Variants in NCS1 observed in about 807,000 individuals in gnomAD.
NCS1 encodes the protein frequenin homolog.
NCS1 carries 6 observed loss-of-function variants against 28.4 expected under a neutral mutation model. The ratio of observed to expected loss-of-function variants is 0.21; its 90% CI spans 0.12 to 0.42. NCS1 has a LOEUF of 0.42. NCS1 is among the 10% of genes least tolerant of loss of function. NCS1 has a pLI of 1.00. For synonymous variants in NCS1, 86 were observed against 99.3 expected, an observed-to-expected ratio of 0.87 and a Z score of 0.79; for missense variants, 131 against 241.4, an observed-to-expected ratio of 0.54 and a Z score of 3.03.
chr9:130,213,702 C>T (rs1476512368), intron 2 of NCS1, among the ~76,000 whole-genome samples: 3 of 152,192 alleles, frequency 2.0e-5, no homozygotes, highest in Non-Finnish European at 4.4e-5. Flanking sequence ...TCTCCTACCT[C>T]AGCCTCCTGA....
In NCS1 at chr9:130,226,924, G is replaced by A. The variant is rs1008737613; in HGVS notation, c.*17+420G>A. Among the ~76,000 whole-genome samples the A allele has an allele frequency of 6.6e-6, 1 of 151,086 alleles. No individual in the cohort carries two copies. The highest frequency in any genetic ancestry group is 6.6e-5 in the Admixed American group (1 of 15,138). On this transcript the variant is annotated intron_variant, in intron 7 of 7. Coordinates refer to ENST00000372398, the MANE Select transcript of NCS1 (RefSeq NM_014286.4). The surrounding 1 kb of genome is among the most constrained non-coding windows in gnomAD (Gnocchi z 4.8). ...CCTAGTCTCAGCTACTTGGGAGGCT[G>A]AGGCAGGAGAACCGCTTGAACCCAG...
chr9:130,229,177 C>T lies in NCS1; in HGVS notation c.*17+2673C>T, dbSNP rs1165062984. On this transcript the variant is annotated intron_variant, in intron 7 of 7. Coordinates refer to ENST00000372398, the MANE Select transcript of NCS1 (RefSeq NM_014286.4). ...TGATTTTAAAAGAATTGAACACTTA[C>T]AAAACTTAACACTCAGTAAACTGAG... Among the ~76,000 whole-genome samples, 5 of 151,770 alleles carry T rather than the reference C, an allele frequency of 3.3e-5. No individual in the cohort carries two copies. The East Asian group carries it at 9.7e-4, about 29-fold the overall frequency.
intron 2 of NCS1, among the ~76,000 whole-genome samples, chr9:130,206,806 G>A (rs1833029818): frequency 6.6e-6 from 1 of 151,984 alleles, no homozygotes; most frequent in South Asian, 2.1e-4. Context: ...CCTGAGCCCC[G>A]GCTTTCAGGG....
In NCS1 at chr9:130,195,715, C is replaced by T. The variant is rs549225677; in HGVS notation, c.65-5243C>T. 5.9e-5 allele frequency among the ~76,000 whole-genome samples: 9 copies of T among 152,350 alleles called. No individual in the cohort carries two copies. The South Asian group carries it at 1.0e-3, about 18-fold the overall frequency. ...TTGGGATTACGGGCATGAGCCACCG[C>T]GCTCGGGCGCAGCTAGGCTTTGAAA... On this transcript the variant is annotated intron_variant, in intron 1 of 7. Coordinates refer to ENST00000372398, the MANE Select transcript of NCS1 (RefSeq NM_014286.4).
rs1240276490 is a variant in NCS1, at chr9:130,192,856, T to C, written c.65-8102T>C. 1.3e-5 allele frequency among the ~76,000 whole-genome samples: 2 copies of C among 152,088 alleles called. No individual in the cohort carries two copies. The highest frequency in any genetic ancestry group is 1.5e-5 in the Non-Finnish European group (1 of 67,996). On this transcript the variant is annotated intron_variant, in intron 1 of 7. Transcript: ENST00000372398. The surrounding 1 kb of genome is among the most constrained non-coding windows in gnomAD (Gnocchi z 4.8). Reference sequence around the variant, plus strand: ...AGGACCCCAGTGGGAACCCCACAGGTGTTTCACTCTCTTTTCTGTCCTCCC... The same window carrying C: ...AGGACCCCAGTGGGAACCCCACAGGCGTTTCACTCTCTTTTCTGTCCTCCC...
chr9:130,206,115 G>A (rs1833021326), intron 2 of NCS1, among the ~76,000 whole-genome samples: 1 of 152,162 alleles, frequency 6.6e-6, no homozygotes, highest in South Asian at 2.1e-4. Flanking sequence ...CATCAGTAAT[G>A]GATTACAGAG....
At chr9:130,221,363 T>C (rs1171907451) in intron 4 of NCS1, among the ~76,000 whole-genome samples, 1 of 138,828 alleles carries the variant, frequency 7.2e-6, no homozygotes, top group Admixed American at 7.5e-5. Context: ...ATATTTAATA[T>C]ATATATAAAA....
intron 1 of NCS1, among the ~76,000 whole-genome samples, chr9:130,183,418 C>G (rs1331105483): frequency 6.6e-6 from 1 of 152,196 alleles, no homozygotes; most frequent in Non-Finnish European, 1.5e-5. Flanking sequence ...CCACTGTGCT[C>G]TGGATTCCCT....
At position 130,175,562 on chromosome 9, in the gene NCS1, C is replaced by A. The variant is rs1343211918; in HGVS notation, c.64+2835C>A. 6.6e-6 allele frequency among the ~76,000 whole-genome samples: 1 copy of A among 152,106 alleles called. No homozygotes were observed. The highest frequency in any genetic ancestry group is 6.5e-5 in the Admixed American group (1 of 15,268). On this transcript the variant is annotated intron_variant, in intron 1 of 7. Coordinates refer to ENST00000372398, the MANE Select transcript of NCS1 (RefSeq NM_014286.4). This position sits in a 1 kb window ranked among gnomAD's most constrained non-coding sequence, Gnocchi z 4.9. ...TCCAGTGTATGCTGGGGGTCCTAGC[C>A]CACCTCATGCATAGCTGGCCACAGT...
intron 2 of NCS1, among the ~76,000 whole-genome samples, chr9:130,214,067 A>G (rs1210000301): frequency 6.6e-6 from 1 of 152,220 alleles, no homozygotes; most frequent in African/African-American, 2.4e-5. Context: ...CCCCAGGACC[A>G]TGTTACATGC....
At position 130,212,057 on chromosome 9, in the gene NCS1, G is replaced by A. The variant is rs578254502; in HGVS notation, c.90-5775G>A. On this transcript the variant is annotated intron_variant, in intron 2 of 7. Transcript: ENST00000372398. ...CCATGTGGAAGACATCCATATGGAC[G>A]CCCTGAGCCAGGAGGGGCCTTCACC... 2.5e-3 allele frequency among the ~76,000 whole-genome samples: 384 copies of A among 152,266 alleles called. 1 individual carries two copies. Among genetic ancestry groups the A allele is most frequent in the Non-Finnish European group, 4.1e-3 (281 of 68,022 alleles).
In NCS1 at chr9:130,217,931, G is replaced by A. The variant is rs782114907; in HGVS notation, c.189G>A (p.Lys63=). 14 of 1,614,220 alleles carry A rather than the reference G, an allele frequency of 8.7e-6. No homozygotes were observed. The highest frequency in any genetic ancestry group is 1.2e-5 in the Non-Finnish European group (14 of 1,180,036). Residue 63 remains lysine (K), a synonymous_variant, in exon 3 of 8, where the codon AAG becomes AAA. Coordinates refer to ENST00000372398, the MANE Select transcript of NCS1 (RefSeq NM_014286.4). Reference sequence around the variant, plus strand: ...TCTTCCCGTTCGGAGACCCCACCAAGTTTGCCACATTTGTTTTCAACGTCT... The same window carrying A: ...TCTTCCCGTTCGGAGACCCCACCAAATTTGCCACATTTGTTTTCAACGTCT... ...KQFFPFGDPT[K]FATFVFNVFD...
rs1366849950 is a variant in NCS1, at chr9:130,221,399, TATATATATATATATAGAGAGAG to T, written c.308-1249_308-1228del. On this transcript the variant is annotated intron_variant, in intron 4 of 7. Transcript: ENST00000372398. The stretch of plus-strand genomic sequence containing the variant: ...TATCATATATATATATATATATATA[TATATATATATATATAGAGAGAG>T]AGAGAGAGAGAGAGAGAGAGAGAGA... 1.7e-3 allele frequency among the ~76,000 whole-genome samples: 85 copies of T among 49,988 alleles called. 1 individual carries two copies. The highest frequency in any genetic ancestry group is 2.6e-3 in the Admixed American group (10 of 3,872). 32.8% of individuals were successfully genotyped at this position (49,988 alleles called of 152,430 possible).
chr9:130,199,492 G>A (rs78724752), intron 1 of NCS1, among the ~76,000 whole-genome samples: 1 of 152,234 alleles, frequency 6.6e-6, no homozygotes, highest in African/African-American at 2.4e-5. Flanking sequence ...GCACGGGGAT[G>A]GAGGCATCTA....
chr9:130,187,182 C>T (rs140218652), intron 1 of NCS1, among the ~76,000 whole-genome samples: 75 of 152,240 alleles, frequency 4.9e-4, no homozygotes, highest in Non-Finnish European at 9.0e-4. Flanking sequence ...AGACGGGGGG[C>T]CCTGCCCAGG....
intron 1 of NCS1, among the ~76,000 whole-genome samples, chr9:130,187,202 G>T (rs908163909): frequency 2.0e-5 from 3 of 152,146 alleles, no homozygotes; most frequent in Non-Finnish European, 2.9e-5. Context: ...GGAGGCACCG[G>T]CAGGTATCCC....
In NCS1 at chr9:130,235,934, G is replaced by C. The variant is rs1022553428; in HGVS notation, c.*2962G>C. The C allele has an allele frequency of 6.6e-6, 1 of 152,496 alleles. No homozygotes were observed. The highest frequency in any genetic ancestry group is 2.4e-5 in the African/African-American group (1 of 41,590). 9.4% of individuals were successfully genotyped at this position (152,496 alleles called of 1,614,324 possible). A position where few individuals can be genotyped will look rare whatever the true frequency, so the allele number is the denominator to read the frequency against. ...CAGCCCCAGGCGGCCAGTCGGCCAC[G>C]GCCTGTCCTCTTCCTCGTAGCGTCT... On this transcript the variant is annotated 3_prime_UTR_variant, in exon 8 of 8. Transcript: ENST00000372398.
At chr9:130,207,713 C>T (rs1333634415) in intron 2 of NCS1, among the ~76,000 whole-genome samples, 6 of 152,246 alleles carry the variant, frequency 3.9e-5, no homozygotes, top group African/African-American at 1.4e-4. Flanking sequence ...CAGGCCAGGG[C>T]ACGGCAATAG....
rs573493470 is a variant in NCS1 at position 130,207,738 on chromosome 9, G to A, written c.89+6756G>A. Among the ~76,000 whole-genome samples the A allele has an allele frequency of 1.2e-4, 19 of 152,334 alleles. No individual in the cohort carries two copies. In the South Asian group the frequency reaches 3.9e-3, roughly 32 times the overall value. On this transcript the variant is annotated intron_variant, in intron 2 of 7. Coordinates refer to ENST00000372398, the MANE Select transcript of NCS1 (RefSeq NM_014286.4). ...CACGGCAATAGGAGGCCCGGGCCAG[G>A]CCAACTGGGCATGCTCACCCTGCAC...
Sources: gnomAD v4.1 joint callset for allele counts (sites outside exome capture counted in the v4.1 genomes callset) on GRCh38, gnomAD v4.1.1 for gene constraint, Gnocchi (gnomAD v3.1) non-coding constraint, MANE v1.5 for transcripts, NCBI Gene and HGNC (gene_info 2026-07-23, HGNC 2026-07-21) for gene names.